The following NDUFA1 variants were observed in gnomAD, a reference collection of about 807,000 sequenced individuals.
NDUFA1 encodes the protein NADH dehydrogenase [ubiquinone] 1 alpha subcomplex subunit 1.
For synonymous variants in NDUFA1, 21 were observed against 20.0 expected (o/e 1.05, Z -0.14); for missense variants, 42 against 56.0 (o/e 0.75, Z 0.80).
At position 119,876,353 on chromosome X, in the gene NDUFA1, A is replaced by G. The variant is rs759600910; in HGVS notation, c.193-161A>G. Among the ~76,000 whole-genome samples, 4 of 112,401 alleles carry G rather than the reference A, an allele frequency of 3.6e-5. No homozygotes were observed. In the Admixed American group the frequency reaches 3.8e-4, roughly 11 times the overall value. On this transcript the variant is annotated intron_variant, in intron 2 of 2. Transcript: ENST00000371437. ...CATTACAGGTTATTCTTTAGTGATT[A>G]TAAAATTTAATCCAATGTATTGTTG...
chrX:119,874,036 A>G (rs1381135140), intron 2 of NDUFA1, among the ~76,000 whole-genome samples: 1 of 111,295 alleles, frequency 9.0e-6, no homozygotes, highest in Non-Finnish European at 1.9e-5. Context: ...AGTTTCTTTA[A>G]AAAATTAGTT....
Position 119,876,647 on chromosome X carries a change from A to G in NDUFA1, c.*113A>G. 1.4e-6 allele frequency: 1 copy of G among 696,614 alleles called. No individual in the cohort carries two copies. The highest frequency in any genetic ancestry group is 2.2e-6 in the Non-Finnish European group (1 of 451,346). 57.4% of individuals were successfully genotyped at this position (696,614 alleles called of 1,213,427 possible). On this transcript the variant is annotated 3_prime_UTR_variant, in exon 3 of 3. Transcript: ENST00000371437. ...AATGTGTTATGTAGTGCTTAATAAA[A>G]ATAAAATGAAAAAAATGCATTTCTT...
chrX:119,872,202 G>A (rs1431289632), intron 1 of NDUFA1, among the ~76,000 whole-genome samples, 189 bp downstream of exon 1: 1 of 112,417 alleles, frequency 8.9e-6, no homozygotes, highest in African/African-American at 3.2e-5. Flanking sequence ...GAAAAACAGC[G>A]TTTCTGGGTG....
chrX:119,874,849 C>CCCCT (rs776460562), intron 2 of NDUFA1, among the ~76,000 whole-genome samples: 3 of 112,282 alleles, frequency 2.7e-5, no homozygotes, highest in Non-Finnish European at 3.8e-5. Flanking sequence ...CAGGCGTGAG[C>CCCCT]CCCTACTCCT....
intron 1 of NDUFA1, among the ~76,000 whole-genome samples, 194 bp from the exon 2 acceptor site, chrX:119,873,110 A>C (rs1287782563): frequency 1.9e-5 from 2 of 107,151 alleles, no homozygotes; most frequent in Non-Finnish European, 3.8e-5. Flanking sequence ...GTAAAAAGTC[A>C]CAGGTACCAA....
chrX:119,876,370 G>A (rs2147815338), intron 2 of NDUFA1, 144 bp from the exon 3 acceptor site: 1 of 583,139 alleles, frequency 1.7e-6, no homozygotes, highest in African/African-American at 2.2e-5. Flanking sequence ...TTAATCCAAT[G>A]TATTGTTGCA....
At position 119,876,464 on chromosome X, in the gene NDUFA1, C is replaced by A. The variant is rs2285553; in HGVS notation, c.193-50C>A. 72,531 of 1,180,550 alleles carry A rather than the reference C, an allele frequency of 0.061. 1,827 individuals carry two copies. The highest frequency in any genetic ancestry group is 0.19 in the East Asian group (6,200 of 33,512). On this transcript the variant is annotated intron_variant, in intron 2 of 2. Coordinates refer to ENST00000371437, the MANE Select transcript of NDUFA1 (RefSeq NM_004541.4). ...CTGGAAATAAAAGTACATGGCATAT[C>A]TTTGATGGGAACAGACTTGTCACAT...
At chrX:119,875,500 C>T (rs1260742352) in intron 2 of NDUFA1, among the ~76,000 whole-genome samples, 6 of 108,973 alleles carry the variant, frequency 5.5e-5, no homozygotes, top group African/African-American at 2.0e-4. Flanking sequence ...TTAGTAGAGA[C>T]AGGGTTTCAC....
Position 119,874,919 on chromosome X carries a change from A to G in NDUFA1, c.192+1526A>G, listed in dbSNP as rs1386677235. On this transcript the variant is annotated intron_variant, in intron 2 of 2. Coordinates refer to ENST00000371437, the MANE Select transcript of NDUFA1 (RefSeq NM_004541.4). ...TAGTTCATTCTCATACTTCTTTTAA[A>G]AATGTTTACTTTTTAATATTTTCTC... Among the ~76,000 whole-genome samples the G allele has an allele frequency of 2.7e-5, 3 of 111,968 alleles. 1 individual carries two copies. The highest frequency in any genetic ancestry group is 9.7e-5 in the African/African-American group (3 of 30,831).
chrX:119,876,622 A>G lies in NDUFA1; in HGVS notation c.*88A>G. 1.2e-6 allele frequency: 1 copy of G among 857,369 alleles called. No individual in the cohort carries two copies. Among genetic ancestry groups the G allele is most frequent in the African/African-American group, 2.0e-5 (1 of 50,797 alleles). The allele number at this position is 857,369 out of a possible 1,213,427, so 70.7% of individuals were successfully genotyped here. On this transcript the variant is annotated 3_prime_UTR_variant, in exon 3 of 3. Coordinates refer to ENST00000371437, the MANE Select transcript of NDUFA1 (RefSeq NM_004541.4). ...GGTTACAGTGTATTATGTAGCATGCAATGTGTTATGTAGTGCTTAATAAAA... is the reference window on the plus strand; with the variant it reads ...GGTTACAGTGTATTATGTAGCATGCGATGTGTTATGTAGTGCTTAATAAAA...
Position 119,876,551 on chromosome X carries a change from T to G in NDUFA1, c.*17T>G. The G allele has an allele frequency of 2.5e-6, 3 of 1,204,839 alleles. No homozygotes were observed. The highest frequency in any genetic ancestry group is 3.4e-6 in the Non-Finnish European group (3 of 889,230). ...ATTGATTAAGGAAGCATTTTCCTGATTGATGAAAAAAATAACTCAGTTATG... is the reference window on the plus strand; with the variant it reads ...ATTGATTAAGGAAGCATTTTCCTGAGTGATGAAAAAAATAACTCAGTTATG... On this transcript the variant is annotated 3_prime_UTR_variant, in exon 3 of 3. Coordinates refer to ENST00000371437, the MANE Select transcript of NDUFA1 (RefSeq NM_004541.4).
In NDUFA1 at chrX:119,871,909, G is replaced by C; in HGVS notation, c.-3G>C. ...GGGTTTTGGCCTAGGTAACGGGGCAGAGATGTGGTTCGAGATTCTCCCCGG... is the reference window on the plus strand; with the variant it reads ...GGGTTTTGGCCTAGGTAACGGGGCACAGATGTGGTTCGAGATTCTCCCCGG... On this transcript the variant is annotated 5_prime_UTR_variant, in exon 1 of 3. Transcript: ENST00000371437. The C allele has an allele frequency of 1.7e-6, 2 of 1,211,353 alleles. No individual in the cohort carries two copies. Among genetic ancestry groups the C allele is most frequent in the Non-Finnish European group, 1.1e-6 (1 of 894,487 alleles).
chrX:119,871,951 G>A lies in NDUFA1; in HGVS notation c.40G>A (p.Val14Met). ...TCTCCCCGGACTCTCCGTCATGGGC[G>A]TGTGCTTGTTGATTCCAGGACTGGC... Reference protein sequence around the residue: ...EILPGLSVMGVCLLIPGLATA... With the variant: ...EILPGLSVMGMCLLIPGLATA... The change falls in exon 1 of 3, where the codon GTG (valine) becomes ATG (methionine). Residue 14 changes from valine to methionine, a missense_variant. Transcript: ENST00000371437. The A allele has an allele frequency of 4.9e-6, 6 of 1,212,443 alleles. No individual in the cohort carries two copies. The highest frequency in any genetic ancestry group is 1.7e-5 in the African/African-American group (1 of 58,042).
chrX:119,874,668 T>C (rs1439719454), intron 2 of NDUFA1, among the ~76,000 whole-genome samples: 1 of 111,471 alleles, frequency 9.0e-6, no homozygotes, highest in African/African-American at 3.3e-5. Flanking sequence ...GCGATTCTTG[T>C]GCCTCAGCCT....
Position 119,872,012 on chromosome X carries a change from A to G in NDUFA1, c.101A>G (p.Lys34Arg). ...AYIHRFTNGGKEKRVAHFGYH... is the reference protein window; with the variant it reads ...AYIHRFTNGGREKRVAHFGYH... ...ATCCACAGGTTCACTAACGGGGGCA[A>G]GGTAAGCCGGCTTCGGCCCGGGGGC... Residue 34 changes from lysine (K) to arginine (R), a missense_variant and splice_region_variant, in exon 1 of 3, where the codon AAG (lysine) becomes AGG (arginine). Transcript: ENST00000371437. 1 of 1,210,536 alleles carries G rather than the reference A, an allele frequency of 8.3e-7. No individual in the cohort carries two copies. The highest frequency in any genetic ancestry group is 1.1e-6 in the Non-Finnish European group (1 of 894,030).
intron 1 of NDUFA1, 61 bp downstream of exon 1, chrX:119,872,074 C>A: frequency 4.6e-6 from 5 of 1,078,027 alleles, no homozygotes; most frequent in Non-Finnish European, 6.5e-6. Context: ...GGGTGGTGGG[C>A]AGGGAGACCG....
intron 2 of NDUFA1, among the ~76,000 whole-genome samples, chrX:119,875,342 T>TTTTTA (rs2056432963): frequency 1.0e-5 from 1 of 95,289 alleles, no homozygotes; most frequent in African/African-American, 4.3e-5. Context: ...TTTTTTTTTT[T>TTTTTA]GAGACGGAGT....
intron 1 of NDUFA1, among the ~76,000 whole-genome samples, chrX:119,873,042 TTTC>T (rs2056421781): frequency 9.6e-6 from 1 of 104,516 alleles, no homozygotes; most frequent in Non-Finnish European, 1.9e-5. Flanking sequence ...CAACTAGATA[TTTC>T]TTTTTTTTTT....
intron 2 of NDUFA1, 54 bp from the exon 3 acceptor site, chrX:119,876,460 A>G (rs899967625): frequency 7.8e-6 from 9 of 1,160,380 alleles, no homozygotes; most frequent in South Asian, 1.8e-5. Context: ...AGTACATGGC[A>G]TATCTTTGAT....
Sources: allele counts gnomAD v4.1 joint callset (sites outside exome capture counted in the v4.1 genomes callset), GRCh38; gene constraint gnomAD v4.1.1; transcripts MANE v1.5; gene names NCBI Gene and HGNC (gene_info 2026-07-23, HGNC 2026-07-21).